Variants in FRMD4A observed in about 807,000 individuals in gnomAD.
The protein encoded by FRMD4A is FERM domain containing 4A, also known as FERM domain-containing protein 4A.
FRMD4A carries 29 observed loss-of-function variants against 129.1 expected under a neutral mutation model. That is an observed-to-expected ratio of 0.22 (90% CI 0.17 to 0.31). FRMD4A has a LOEUF of 0.31. FRMD4A is among the 10% of genes least tolerant of loss of function. FRMD4A has a pLI of 1.00. For synonymous variants in FRMD4A, 634 were observed against 571.6 expected (o/e 1.11, Z -1.56); for missense variants, 1,272 against 1,375.8 (o/e 0.92, Z 1.19).
At chr10:14,044,524 AT>A in intron 2 of FRMD4A, among the ~76,000 whole-genome samples, 1 of 152,240 alleles carries the variant, frequency 6.6e-6, no homozygotes, top group Non-Finnish European at 1.5e-5. Context: ...ACACAGACAC[AT>A]AGAAAGAACA....
chr10:13,974,694 T>C (rs1352238522), intron 2 of FRMD4A, among the ~76,000 whole-genome samples: 3 of 152,130 alleles, frequency 2.0e-5, no homozygotes, highest in Non-Finnish European at 4.4e-5. Flanking sequence ...GCCTGGCTAA[T>C]TTTTGTATTT....
chr10:14,243,204 C>A (rs1296426961), intron 2 of FRMD4A, among the ~76,000 whole-genome samples: 1 of 152,166 alleles, frequency 6.6e-6, no homozygotes, highest in Non-Finnish European at 1.5e-5. Flanking sequence ...TAGTTTGGCT[C>A]TGTGTCCTCA....
intron 7 of FRMD4A, 131 bp from the exon 8 acceptor site, chr10:13,761,800 T>C: frequency 1.6e-6 from 1 of 643,046 alleles, no homozygotes. Flanking sequence ...TATCATCCTA[T>C]TTGCTGCAGG....
intron 4 of FRMD4A, among the ~76,000 whole-genome samples, chr10:13,809,117 G>T (rs1248902350): frequency 2.0e-5 from 3 of 152,232 alleles, no homozygotes; most frequent in Non-Finnish European, 4.4e-5. Context: ...GCTGTGACGT[G>T]TGGTTTTGGT....
chr10:14,112,845 C>T (rs1405986681), intron 2 of FRMD4A, among the ~76,000 whole-genome samples: 2 of 152,130 alleles, frequency 1.3e-5, no homozygotes, highest in Non-Finnish European at 2.9e-5. Flanking sequence ...AACTTTTTTT[C>T]TTTCCAAATT....
intron 2 of FRMD4A, among the ~76,000 whole-genome samples, chr10:14,175,611 A>G (rs749698323): frequency 1.0e-4 from 15 of 148,956 alleles, no homozygotes; most frequent in Non-Finnish European, 2.1e-4. Context: ...TGCAGCCTTG[A>G]ACTACTGGGT....
chr10:14,269,747 T>A (rs528251966), intron 2 of FRMD4A, among the ~76,000 whole-genome samples: 3 of 152,194 alleles, frequency 2.0e-5, no homozygotes, highest in Admixed American at 6.5e-5. Flanking sequence ...ATTTTGGGTG[T>A]CAATGTGACT....
At chr10:14,272,707 G>C (rs1267052684) in intron 2 of FRMD4A, among the ~76,000 whole-genome samples, 5 of 152,136 alleles carry the variant, frequency 3.3e-5, no homozygotes, top group African/African-American at 1.2e-4. Flanking sequence ...CAATTTCAGT[G>C]AGTGACACTT....
chr10:14,228,274 T>G (rs1467824102), intron 2 of FRMD4A, among the ~76,000 whole-genome samples: 1 of 152,188 alleles, frequency 6.6e-6, no homozygotes, highest in African/African-American at 2.4e-5. Context: ...CAAATCCAAT[T>G]TATATCCTCA....
chr10:14,261,883 T>G (rs1285848413), intron 2 of FRMD4A, among the ~76,000 whole-genome samples: 1 of 151,256 alleles, frequency 6.6e-6, no homozygotes, highest in African/African-American at 2.4e-5. Context: ...ACGTAATAAC[T>G]TAGGTGCTCC....
chr10:14,033,243 G>C (rs1362468871), intron 2 of FRMD4A, among the ~76,000 whole-genome samples: 1 of 151,684 alleles, frequency 6.6e-6, no homozygotes, highest in Non-Finnish European at 1.5e-5. Flanking sequence ...GGAGGTGGAG[G>C]TTGCAGTTAG....
At chr10:13,738,492 C>A (rs142683618) in intron 11 of FRMD4A, among the ~76,000 whole-genome samples, 224 of 152,306 alleles carry the variant, frequency 1.5e-3, no homozygotes, top group African/African-American at 5.1e-3. Flanking sequence ...GAAGGTGTCA[C>A]CCTGAGGTCC....
chr10:14,223,430 G>C (rs1295498715), intron 2 of FRMD4A, among the ~76,000 whole-genome samples: 1 of 152,162 alleles, frequency 6.6e-6, no homozygotes, highest in Non-Finnish European at 1.5e-5. Context: ...ATTTTCTTTG[G>C]AGTTCTTGGC....
intron 2 of FRMD4A, among the ~76,000 whole-genome samples, chr10:14,064,851 T>C (rs901202557): frequency 1.3e-5 from 2 of 152,034 alleles, no homozygotes; most frequent in African/African-American, 4.8e-5. Context: ...GTGCTGGGAG[T>C]AAAGGTGTGA....
chr10:13,691,347 T>G (rs1237160045), intron 15 of FRMD4A, among the ~76,000 whole-genome samples: 1 of 152,186 alleles, frequency 6.6e-6, no homozygotes, highest in East Asian at 1.9e-4. Flanking sequence ...GGGGCTCCTG[T>G]TCACAGCCTC....
chr10:14,261,300 A>C, intron 2 of FRMD4A, among the ~76,000 whole-genome samples: 1 of 152,220 alleles, frequency 6.6e-6, no homozygotes, highest in East Asian at 1.9e-4. Context: ...TTTCCTATAC[A>C]TGATGGGTTA....
intron 9 of FRMD4A, 134 bp from the exon 10 acceptor site, chr10:13,740,711 T>A (rs919900702): frequency 8.4e-6 from 5 of 595,324 alleles, no homozygotes; most frequent in Middle Eastern, 2.6e-4. Context: ...AAATGATTTG[T>A]CCTGGAGTGG....
chr10:13,987,002 G>C (rs1337900068), intron 2 of FRMD4A, among the ~76,000 whole-genome samples: 2 of 152,150 alleles, frequency 1.3e-5, no homozygotes, highest in African/African-American at 4.8e-5. Flanking sequence ...AGGTTACCAG[G>C]AGAGGCTGAT....
chr10:13,706,934 T>C (rs2087518445), intron 13 of FRMD4A, 103 bp downstream of exon 13: 1 of 685,550 alleles, frequency 1.5e-6, no homozygotes, highest in African/African-American at 1.8e-5. Flanking sequence ...CCTCGCTCCC[T>C]GCTCCAAACT....
Sources: allele counts gnomAD v4.1 joint callset (sites outside exome capture counted in the v4.1 genomes callset), GRCh38; gene constraint gnomAD v4.1.1; transcripts MANE v1.5; gene names NCBI Gene and HGNC (gene_info 2026-07-23, HGNC 2026-07-21).